Variants in OSBPL6 observed in about 807,000 individuals in gnomAD.
OSBPL6 encodes the protein oxysterol-binding protein-related protein 6.
OSBPL6 carries 49 observed loss-of-function variants against 125.8 expected under a neutral mutation model. That is an observed-to-expected ratio of 0.39 (90% CI 0.31 to 0.49). The LOEUF is 0.49. OSBPL6 is among the 20% of genes least tolerant of loss of function. OSBPL6 has a pLI of 0.88. For missense variants in OSBPL6, 986 were observed against 1,135.4 expected, an observed-to-expected ratio of 0.87 and a Z score of 1.89; for synonymous variants, 394 against 391.8, an observed-to-expected ratio of 1.01 and a Z score of -0.07.
At chr2:178,271,871 C>T (rs917633522) in intron 1 of OSBPL6, among the ~76,000 whole-genome samples, 1 of 152,076 alleles carries the variant, frequency 6.6e-6, no homozygotes, top group Non-Finnish European at 1.5e-5. Flanking sequence ...ATATGAAAGC[C>T]CTACCAGATA....
intron 1 of OSBPL6, among the ~76,000 whole-genome samples, chr2:178,223,657 A>G (rs935404487): frequency 1.5e-4 from 23 of 152,172 alleles, no homozygotes; most frequent in African/African-American, 5.3e-4. Context: ...TAGTATTTAC[A>G]CTGACTAAGT....
At chr2:178,364,223 A>G (rs755002166) in intron 13 of OSBPL6, among the ~76,000 whole-genome samples, 1 of 152,222 alleles carries the variant, frequency 6.6e-6, no homozygotes, top group African/African-American at 2.4e-5. Flanking sequence ...GTAGGCAAGA[A>G]CCAGCTCATC....
chr2:178,200,042 T>C (rs1333983766), intron 1 of OSBPL6, among the ~76,000 whole-genome samples: 1 of 152,116 alleles, frequency 6.6e-6, no homozygotes, highest in Admixed American at 6.5e-5. Flanking sequence ...GCTGGCCAAA[T>C]TTTGTGAAAT....
chr2:178,200,944 G>A (rs369136037), intron 1 of OSBPL6, among the ~76,000 whole-genome samples: 1 of 151,828 alleles, frequency 6.6e-6, no homozygotes, highest in Non-Finnish European at 1.5e-5. Context: ...ACAGGCGCCC[G>A]CCAGCACGCC....
At chr2:178,360,432 G>A (rs1454508988) in intron 12 of OSBPL6, among the ~76,000 whole-genome samples, 4 of 152,048 alleles carry the variant, frequency 2.6e-5, no homozygotes, top group East Asian at 1.9e-4. Flanking sequence ...CACAGTAACC[G>A]TTTTATTACA....
chr2:178,389,838 A>G (rs2154118138), intron 21 of OSBPL6, among the ~76,000 whole-genome samples: 1 of 152,340 alleles, frequency 6.6e-6, no homozygotes, highest in South Asian at 2.1e-4. Flanking sequence ...TCATGATCCC[A>G]TTCTAATATG....
intron 2 of OSBPL6, among the ~76,000 whole-genome samples, chr2:178,295,133 C>T (rs1317873481): frequency 6.6e-6 from 1 of 152,042 alleles, no homozygotes; most frequent in Non-Finnish European, 1.5e-5. Flanking sequence ...AAAGTATCTT[C>T]TTTCACGTGT....
rs549773855 is a variant in OSBPL6, at chr2:178,287,400, A to G, written c.-156+2279A>G. The stretch of plus-strand genomic sequence containing the variant: ...GTGGGATTTTTATTTTGAGTATCTT[A>G]GTTTCCTTCTGCCTGCATTACTTTG... On this transcript the variant is annotated intron_variant, in intron 2 of 24. Coordinates refer to ENST00000190611, the MANE Select transcript of OSBPL6 (RefSeq NM_032523.4). 7.2e-5 allele frequency among the ~76,000 whole-genome samples: 11 copies of G among 151,846 alleles called. No individual in the cohort carries two copies. In the East Asian group the frequency reaches 2.1e-3, roughly 29 times the overall value.
Position 178,361,698 on chromosome 2 carries a change from G to A in OSBPL6, c.1170G>A (p.Lys390=). The change falls in exon 13 of 25, where the codon AAG becomes AAA. Residue 390 remains lysine, a synonymous_variant. Transcript: ENST00000190611. ...LIAQKVHSLL[K]SAFNSIAIEK... is the part of the protein sequence containing the mutation. The stretch of plus-strand genomic sequence containing the variant: ...CCCACCCAGTGCATTCTCTTTTGAA[G>A]TCTGCATTTAATAGCATAGCTATAG... 3 of 1,614,022 alleles carry A rather than the reference G, an allele frequency of 1.9e-6. No individual in the cohort carries two copies. Among genetic ancestry groups the A allele is most frequent in the Non-Finnish European group, 2.5e-6 (3 of 1,179,944 alleles).
chr2:178,299,263 A>G (rs910952992), intron 2 of OSBPL6, among the ~76,000 whole-genome samples: 1 of 152,146 alleles, frequency 6.6e-6, no homozygotes, highest in Non-Finnish European at 1.5e-5. Context: ...CATGGCCTTG[A>G]TAGCTCATAT....
At chr2:178,339,840 G>A (rs1690049858) in intron 11 of OSBPL6, 76 bp downstream of exon 11, 10 of 1,066,766 alleles carry the variant, frequency 9.4e-6, no homozygotes, top group Non-Finnish European at 1.3e-5. Context: ...CAGTTTATGG[G>A]CGTTAGATTG....
intron 3 of OSBPL6, chr2:178,320,452 C>T (rs1003533921): frequency 1.9e-6 from 3 of 1,550,832 alleles, no homozygotes; most frequent in African/African-American, 1.4e-5. Flanking sequence ...AAAAAACTGA[C>T]CTGGAAATTA....
chr2:178,251,374 T>C (rs1481627217), intron 1 of OSBPL6, among the ~76,000 whole-genome samples: 2 of 151,742 alleles, frequency 1.3e-5, no homozygotes, highest in African/African-American at 2.4e-5. Context: ...TTTTTTTTTT[T>C]CCTTCCCGCT....
chr2:178,315,940 G>A (rs988128256), intron 3 of OSBPL6, among the ~76,000 whole-genome samples: 2 of 152,150 alleles, frequency 1.3e-5, no homozygotes, highest in African/African-American at 4.8e-5. Context: ...AGGACCATAG[G>A]TCTACAAAAC....
At chr2:178,380,624 G>T (rs1694384939) in intron 15 of OSBPL6, among the ~76,000 whole-genome samples, 1 of 152,040 alleles carries the variant, frequency 6.6e-6, no homozygotes, top group African/African-American at 2.4e-5. Context: ...AGAGCAATTT[G>T]GCAACATGGA....
At chr2:178,332,381 G>A (rs1689275359) in intron 6 of OSBPL6, among the ~76,000 whole-genome samples, 1 of 152,156 alleles carries the variant, frequency 6.6e-6, no homozygotes, top group African/African-American at 2.4e-5. Context: ...GAATTATGAA[G>A]AATTAGTATT....
In OSBPL6 at chr2:178,339,746, T is replaced by C. The variant is rs1381624853; in HGVS notation, c.969T>C (p.Asp323=). The change falls in exon 11 of 25, where the codon GAT becomes GAC. Residue 323 remains aspartate (D), a synonymous_variant. Coordinates refer to ENST00000190611, the MANE Select transcript of OSBPL6 (RefSeq NM_032523.4). ...GGAGAACAAAAAGTGTCAGCAAAGA[T>C]ACAAAAATACAACTGCAGGTACAGA... ...RRWRTKSVSK[D]TKIQLQVPFS... 49 of 1,603,004 alleles carry C rather than the reference T, an allele frequency of 3.1e-5. No homozygotes were observed. The highest frequency in any genetic ancestry group is 3.9e-5 in the Non-Finnish European group (46 of 1,175,388).
At chr2:178,242,368 C>T (rs2153991256) in intron 1 of OSBPL6, among the ~76,000 whole-genome samples, 3 of 152,286 alleles carry the variant, frequency 2.0e-5, no homozygotes, top group Admixed American at 2.0e-4. Flanking sequence ...GCCTACTTTC[C>T]AGCAAAATGT....
chr2:178,376,502 AC>A (rs1202906318), intron 15 of OSBPL6, among the ~76,000 whole-genome samples: 1 of 151,756 alleles, frequency 6.6e-6, no homozygotes. Context: ...CACCTAGATC[AC>A]CCCATCAGTC....
Sources: gnomAD v4.1 joint callset for allele counts (sites outside exome capture counted in the v4.1 genomes callset) on GRCh38, gnomAD v4.1.1 for gene constraint, MANE v1.5 for transcripts, NCBI Gene and HGNC (gene_info 2026-07-23, HGNC 2026-07-21) for gene names.